SMARCC1: variants seen among roughly 807,000 people sequenced by gnomAD.
SMARCC1 encodes the protein SWI/SNF related BAF chromatin remodeling complex subunit C1.
In SMARCC1, 43 loss-of-function variants were observed where a neutral mutation model predicts 147.4. The ratio of observed to expected loss-of-function variants is 0.29; its 90% confidence interval spans 0.23 to 0.38. The LOEUF (loss-of-function observed/expected upper bound fraction) is 0.38, where lower values mean the gene tolerates loss of function less well. Ranked by LOEUF, SMARCC1 falls within the 10% of genes least tolerant of loss-of-function variation. The pLI, the probability that SMARCC1 is intolerant of heterozygous loss-of-function variation, is 1.00. For synonymous variants in SMARCC1, 495 were observed against 484.4 expected (o/e 1.02, Z -0.29); for missense variants, 1,119 against 1,381.1 (o/e 0.81, Z 3.01).
intron 2 of SMARCC1, among the ~76,000 whole-genome samples, chr3:47,768,024 T>C (rs908445398): frequency 6.6e-6 from 1 of 151,990 alleles, no homozygotes; most frequent in African/African-American, 2.4e-5. Flanking sequence ...TGTATTTCTT[T>C]GTAGAGACGG....
chr3:47,608,328 C>T (rs2106666026), intron 26 of SMARCC1, among the ~76,000 whole-genome samples: 1 of 152,198 alleles, frequency 6.6e-6, no homozygotes, highest in East Asian at 1.9e-4. Flanking sequence ...CTCAGGTGAT[C>T]CGCCCGCCTC....
At chr3:47,722,697 C>T (rs1465115007) in intron 6 of SMARCC1, among the ~76,000 whole-genome samples, 1 of 152,138 alleles carries the variant, frequency 6.6e-6, no homozygotes, top group Non-Finnish European at 1.5e-5. Flanking sequence ...TCGCTCTCTT[C>T]CCAGGTATTA....
intron 3 of SMARCC1, among the ~76,000 whole-genome samples, chr3:47,745,367 A>G (rs571402488): frequency 9.2e-5 from 14 of 152,294 alleles, no homozygotes; most frequent in Admixed American, 8.5e-4. Context: ...TTTGCTAACA[A>G]TGTACACCTG....
chr3:47,603,889 C>T (rs1198086219), intron 26 of SMARCC1: 8 of 386,658 alleles, frequency 2.1e-5, no homozygotes, highest in South Asian at 1.4e-4. Context: ...AGTTGGGACA[C>T]TATAAGAGAC....
chr3:47,688,109 A>C (rs1399618963), intron 13 of SMARCC1, among the ~76,000 whole-genome samples: 1 of 151,910 alleles, frequency 6.6e-6, no homozygotes, highest in Non-Finnish European at 1.5e-5. Context: ...AAAATACAAA[A>C]ATTAGCTGGG....
chr3:47,736,058 C>G lies in SMARCC1; in HGVS notation c.552G>C (p.Leu184Phe). 3 of 1,591,360 alleles carry G rather than the reference C, an allele frequency of 1.9e-6. No individual in the cohort carries two copies. Among genetic ancestry groups the G allele is most frequent in the Non-Finnish European group, 2.6e-6 (3 of 1,163,816 alleles). ...PDIDLKLANK[L>F]KDIIKRHQGT... ...CCTGATGTCGTTTGATGATATCTTT[C>G]AATTTGTTAGCCAACTTCAGATCAA... The change falls in exon 5 of 28, where the codon TTG becomes TTC. Residue 184 changes from leucine to phenylalanine, a missense_variant. Leu to Phe is a conservative substitution (Grantham distance 22, BLOSUM62 0). Coordinates refer to ENST00000254480, the MANE Select transcript of SMARCC1 (RefSeq NM_003074.4).
At chr3:47,693,667 T>TTTTAGTTTG (rs766783672) in intron 11 of SMARCC1, among the ~76,000 whole-genome samples, 10 of 152,066 alleles carry the variant, frequency 6.6e-5, no homozygotes, top group Non-Finnish European at 1.5e-4. Context: ...ACTAATACCT[T>TTTTAGTTTG]TTTAGTTTGT....
chr3:47,611,173 T>C (rs940818507), intron 25 of SMARCC1, among the ~76,000 whole-genome samples: 1 of 152,162 alleles, frequency 6.6e-6, no homozygotes, highest in African/African-American at 2.4e-5. Flanking sequence ...AAAATCCAGA[T>C]CTCTGAAAGT....
At chr3:47,684,986 T>G (rs527799512) in intron 14 of SMARCC1, among the ~76,000 whole-genome samples, 1 of 152,294 alleles carries the variant, frequency 6.6e-6, no homozygotes, top group East Asian at 1.9e-4. Context: ...AACAGAAGAT[T>G]TGTTCTTATC....
At chr3:47,770,767 C>G (rs1380309752) in intron 2 of SMARCC1, among the ~76,000 whole-genome samples, 1 of 152,070 alleles carries the variant, frequency 6.6e-6, no homozygotes, top group Non-Finnish European at 1.5e-5. Flanking sequence ...ATGATAAAAG[C>G]TTCCCAATTA....
At chr3:47,722,456 T>C (rs2034244851) in intron 6 of SMARCC1, among the ~76,000 whole-genome samples, 1 of 151,804 alleles carries the variant, frequency 6.6e-6, no homozygotes, top group South Asian at 2.1e-4. Flanking sequence ...CGCCACACCA[T>C]GCCTAATTTT....
intron 13 of SMARCC1, among the ~76,000 whole-genome samples, chr3:47,687,432 T>C (rs1027696643): frequency 3.3e-5 from 5 of 152,194 alleles, no homozygotes; most frequent in Admixed American, 1.3e-4. Flanking sequence ...GCCAACAGTA[T>C]AAGTTTTAAT....
chr3:47,656,977 G>A (rs1283380611), intron 21 of SMARCC1, among the ~76,000 whole-genome samples: 4 of 152,034 alleles, frequency 2.6e-5, no homozygotes, highest in Non-Finnish European at 2.9e-5. Context: ...GAAATGGCAC[G>A]CTAATATCAG....
chr3:47,778,633 C>A (rs1481806275), intron 1 of SMARCC1, among the ~76,000 whole-genome samples: 1 of 151,574 alleles, frequency 6.6e-6, no homozygotes, highest in African/African-American at 2.4e-5. Flanking sequence ...ATCTTTTGAT[C>A]AAAAAAAGTC....
chr3:47,588,301 G>A lies in SMARCC1; in HGVS notation c.3226C>T (p.Pro1076Ser), dbSNP rs751471726. 2 of 1,613,572 alleles carry A rather than the reference G, an allele frequency of 1.2e-6. No individual in the cohort carries two copies. Among genetic ancestry groups the A allele is most frequent in the African/African-American group, 1.3e-5 (1 of 74,870 alleles). ...GGCGGTGGCTGCTGCTGTGGTGGAG[G>A]GGGATCTGCAAACATATCCAAGAGT... ...PLTAPNGMYP[P>S]PPQQQPPPPP... Residue 1076 changes from proline (P) to serine (S), a missense_variant, in exon 28 of 28, where the codon CCT becomes TCT. Pro to Ser is a moderately conservative substitution (Grantham distance 74, BLOSUM62 -1). Around this residue, in one of 6 missense-constraint regions of SMARCC1, gnomAD observed 186 missense variants for 216.5 expected, o/e 0.86. Coordinates refer to ENST00000254480, the MANE Select transcript of SMARCC1 (RefSeq NM_003074.4).
intron 19 of SMARCC1, among the ~76,000 whole-genome samples, chr3:47,670,069 C>T (rs1398783923): frequency 6.6e-6 from 1 of 152,224 alleles, no homozygotes; most frequent in African/African-American, 2.4e-5. Flanking sequence ...AATTGTCACA[C>T]ATTCACAACT....
At chr3:47,717,713 C>T (rs112801321) in intron 7 of SMARCC1, among the ~76,000 whole-genome samples, 2 of 152,070 alleles carry the variant, frequency 1.3e-5, no homozygotes, top group African/African-American at 2.4e-5. Flanking sequence ...ACTACAGGCA[C>T]GTGTCATCAT....
intron 21 of SMARCC1, among the ~76,000 whole-genome samples, chr3:47,647,069 T>C (rs1402512577): frequency 6.6e-6 from 1 of 152,220 alleles, no homozygotes. Flanking sequence ...CATTCTCACA[T>C]AGATTTAGAG....
intron 22 of SMARCC1, among the ~76,000 whole-genome samples, chr3:47,638,196 C>T (rs867814784): frequency 2.0e-5 from 3 of 152,084 alleles, no homozygotes; most frequent in Non-Finnish European, 4.4e-5. Context: ...GGGTTCACGC[C>T]ATTCTCCTGC....
Sources: allele counts gnomAD v4.1 joint callset (sites outside exome capture counted in the v4.1 genomes callset), GRCh38; gene constraint gnomAD v4.1.1; regional missense constraint gnomAD v4.1.1; transcripts MANE v1.5; gene names NCBI Gene and HGNC (gene_info 2026-07-23, HGNC 2026-07-21).